CHN1: variants seen among roughly 807,000 people sequenced by gnomAD.
CHN1 encodes chimerin 1.
CHN1 carries 37 observed loss-of-function variants against 59.5 expected under a neutral mutation model. The ratio of observed to expected loss-of-function variants is 0.62; its 90% CI spans 0.48 to 0.82. The LOEUF (loss-of-function observed/expected upper bound fraction) is 0.82, where lower values mean the gene tolerates loss of function less well. Among genes scored for constraint, CHN1 ranks in the 40% least tolerant of loss-of-function variants. CHN1 has a pLI of 0.00. For missense variants in CHN1, 469 were observed against 571.0 expected, an observed-to-expected ratio of 0.82 and a Z score of 1.82; for synonymous variants, 206 against 200.4, an observed-to-expected ratio of 1.03 and a Z score of -0.24.
At position 174,812,448 on chromosome 2, in the gene CHN1, C is replaced by A; in HGVS notation, c.747G>T (p.Lys249Asn). The A allele has an allele frequency of 6.2e-7, 1 of 1,613,946 alleles. No homozygotes were observed. The highest frequency in any genetic ancestry group is 1.1e-5 in the South Asian group (1 of 91,076). The change falls in exon 9 of 13, where the codon AAG becomes AAT. Residue 249 changes from lysine to asparagine, a missense_variant. By Grantham distance (94) the Lys-to-Asn change is moderately conservative. Transcript: ENST00000409900. ...CGLNVHKQCS[K>N]MVPNDCKPDL... Reference sequence around the variant, plus strand: ...CTGGCTTACAGTCATTTGGGACCATCTTGGAACACTGCTTATGAACATTCA... The same window carrying A: ...CTGGCTTACAGTCATTTGGGACCATATTGGAACACTGCTTATGAACATTCA...
intron 5 of CHN1, among the ~76,000 whole-genome samples, chr2:174,911,154 G>A (rs1688691938): frequency 6.6e-6 from 1 of 152,086 alleles, no homozygotes; most frequent in African/African-American, 2.4e-5. Flanking sequence ...CATAGAAAAT[G>A]TCCAAACTCA....
intron 5 of CHN1, among the ~76,000 whole-genome samples, chr2:174,887,780 AT>A (rs1301112258): frequency 1.3e-5 from 2 of 152,232 alleles, no homozygotes; most frequent in African/African-American, 4.8e-5. Flanking sequence ...CGTAAACGGA[AT>A]GAAAAATAGA....
At chr2:174,936,520 T>C (rs1017158401) in intron 3 of CHN1, among the ~76,000 whole-genome samples, 6 of 152,168 alleles carry the variant, frequency 3.9e-5, no homozygotes, top group African/African-American at 1.4e-4. Context: ...CACACACATA[T>C]ATAGATACAC....
At position 174,885,787 on chromosome 2, in the gene CHN1, G is replaced by C. The variant is rs570345400; in HGVS notation, c.261-7659C>G. Among the ~76,000 whole-genome samples the C allele has an allele frequency of 4.6e-5, 7 of 152,188 alleles. No individual in the cohort carries two copies. The East Asian group carries it at 1.4e-3, about 29-fold the overall frequency. ...CTACAAACAACTTTTCTAATTTAGT[G>C]AGCCAATTATAGTAACTTGTGCTAC... On this transcript the variant is annotated intron_variant, in intron 5 of 12. Coordinates refer to ENST00000409900, the MANE Select transcript of CHN1 (RefSeq NM_001822.7).
At chr2:174,987,637 T>C (rs976543962) in intron 1 of CHN1, among the ~76,000 whole-genome samples, 10 of 152,132 alleles carry the variant, frequency 6.6e-5, no homozygotes, top group Non-Finnish European at 1.3e-4. Flanking sequence ...GGTTTCACTG[T>C]ATTGGCCAGG....
At chr2:174,927,573 T>C (rs191350097) in intron 3 of CHN1, among the ~76,000 whole-genome samples, 303 of 152,352 alleles carry the variant, frequency 2.0e-3, no homozygotes, top group Non-Finnish European at 3.2e-3. Context: ...CAATGTTATT[T>C]CTTTTTTTTA....
At chr2:174,899,060 G>A (rs528641119) in intron 5 of CHN1, among the ~76,000 whole-genome samples, 14 of 152,238 alleles carry the variant, frequency 9.2e-5, no homozygotes, top group Non-Finnish European at 1.9e-4. Flanking sequence ...TCAGTAGGAC[G>A]GGCTCCTTTG....
At chr2:174,897,751 G>A (rs528832539) in intron 5 of CHN1, among the ~76,000 whole-genome samples, 3 of 152,070 alleles carry the variant, frequency 2.0e-5, no homozygotes, top group Non-Finnish European at 2.9e-5. Context: ...AGACAGTTCA[G>A]ACAACACAGA....
intron 4 of CHN1, among the ~76,000 whole-genome samples, chr2:174,917,872 C>A (rs1306860004): frequency 6.6e-6 from 1 of 151,820 alleles, no homozygotes; most frequent in African/African-American, 2.4e-5. Flanking sequence ...ATTCTTTTCC[C>A]CAAAGTGCTA....
Position 174,813,808 on chromosome 2 carries a change from A to G in CHN1, c.713-1326T>C, listed in dbSNP as rs148736719. ...GCCAATTTGAAAATCATACAACGCC[A>G]TTCAGTTTTGCTTGCTGTTTCTGGC... On this transcript the variant is annotated intron_variant, in intron 8 of 12. Coordinates refer to ENST00000409900, the MANE Select transcript of CHN1 (RefSeq NM_001822.7). Among the ~76,000 whole-genome samples the G allele has an allele frequency of 3.1e-3, 477 of 152,340 alleles. 1 individual carries two copies. Among genetic ancestry groups the G allele is most frequent in the African/African-American group, 0.011 (457 of 41,580 alleles).
intron 11 of CHN1, 60 bp downstream of exon 11, chr2:174,808,845 G>C: frequency 1.3e-6 from 2 of 1,570,400 alleles, no homozygotes; most frequent in Non-Finnish European, 1.8e-6. Context: ...CAGAAAACCA[G>C]GAAGGTGATT....
At chr2:174,938,689 C>T (rs1180388682) in intron 3 of CHN1, among the ~76,000 whole-genome samples, 2 of 152,044 alleles carry the variant, frequency 1.3e-5, no homozygotes, top group African/African-American at 4.8e-5. Flanking sequence ...ACTTAAGGAA[C>T]TGACTATAAG....
At chr2:174,965,701 C>T (rs1690569854) in intron 1 of CHN1, among the ~76,000 whole-genome samples, 1 of 152,152 alleles carries the variant, frequency 6.6e-6, no homozygotes, top group Non-Finnish European at 1.5e-5. Flanking sequence ...AATGAAGAGT[C>T]GCCTTTCAAC....
At chr2:174,864,059 G>T (rs749041559) in intron 6 of CHN1, among the ~76,000 whole-genome samples, 1 of 152,066 alleles carries the variant, frequency 6.6e-6, no homozygotes, top group African/African-American at 2.4e-5. Context: ...CTTCTTCTGA[G>T]AGATAACATA....
rs1021943242 is a variant in CHN1 at position 174,953,794 on chromosome 2, G to C, written c.20-1592C>G. ...AACACTACTGAAAGAAATCATAGAT[G>C]AAACAAACAAATGGAAACACATCCC... On this transcript the variant is annotated intron_variant, in intron 1 of 12. Coordinates refer to ENST00000409900, the MANE Select transcript of CHN1 (RefSeq NM_001822.7). Among the ~76,000 whole-genome samples the C allele has an allele frequency of 2.1e-4, 32 of 152,158 alleles. 1 individual carries two copies. The highest frequency in any genetic ancestry group is 2.0e-3 in the Admixed American group (30 of 15,268).
intron 5 of CHN1, among the ~76,000 whole-genome samples, chr2:174,898,599 G>A (rs944737969): frequency 1.5e-4 from 23 of 152,052 alleles, no homozygotes; most frequent in African/African-American, 5.3e-4. Context: ...GCGAGACTCC[G>A]TCTCAAAAAA....
intron 1 of CHN1, among the ~76,000 whole-genome samples, chr2:175,002,587 T>C (rs1691925406): frequency 6.6e-6 from 1 of 152,196 alleles, no homozygotes; most frequent in Non-Finnish European, 1.5e-5. Flanking sequence ...AAAGCCTGAA[T>C]GGAAAGAAAA....
intron 5 of CHN1, among the ~76,000 whole-genome samples, chr2:174,895,182 A>C (rs1688177871): frequency 7.3e-6 from 1 of 136,206 alleles, no homozygotes; most frequent in Non-Finnish European, 1.6e-5. Context: ...ATAGGAGTAT[A>C]TATATGTGTG....
intron 8 of CHN1, among the ~76,000 whole-genome samples, chr2:174,814,374 CTTT>C (rs1435822681): frequency 3.9e-5 from 6 of 152,232 alleles, no homozygotes; most frequent in Non-Finnish European, 8.8e-5. Flanking sequence ...CCAAATTCTT[CTTT>C]ATCTCTGTAT....
Sources: allele counts gnomAD v4.1 joint callset (sites outside exome capture counted in the v4.1 genomes callset), GRCh38; gene constraint gnomAD v4.1.1; transcripts MANE v1.5; gene names NCBI Gene and HGNC (gene_info 2026-07-23, HGNC 2026-07-21).